IFFO2: variants seen among roughly 807,000 people sequenced by gnomAD.
The protein encoded by IFFO2 is intermediate filament family orphan 2.
IFFO2 carries 19 observed loss-of-function variants against 53.5 expected under a neutral mutation model. The observed-to-expected ratio is 0.36, with a 90% CI of 0.25 to 0.52. The LOEUF (loss-of-function observed/expected upper bound fraction) is 0.52. Ranked by LOEUF, IFFO2 falls within the 20% of genes least tolerant of loss-of-function variation. The probability of loss-of-function intolerance (pLI) is 0.94; values close to 1 mark genes in which losing one functional copy is unlikely to be tolerated. For missense variants in IFFO2, 570 were observed against 727.4 expected, an observed-to-expected ratio of 0.78 and a Z score of 2.49; for synonymous variants, 303 against 313.6, an observed-to-expected ratio of 0.97 and a Z score of 0.36.
At position 18,956,223 on chromosome 1, in the gene IFFO2, G is replaced by C; in HGVS notation, c.110C>G (p.Pro37Arg). 10 of 1,296,258 alleles carry C rather than the reference G, an allele frequency of 7.7e-6. No homozygotes were observed. Among genetic ancestry groups the C allele is most frequent in the Non-Finnish European group, 1.0e-5 (10 of 999,870 alleles). The allele number at this position is 1,296,258 out of a possible 1,614,324, so 80.3% of individuals were successfully genotyped here. ...GGGGGGGGAG[P>R]GPSPVTAALR... ...CGCCGCCGTCACCGGCGACGGACCC[G>C]GCCCTGCCCCGCCGCCGCCGCCGCC... Residue 37 changes from proline (P) to arginine (R), a missense_variant, in exon 1 of 9, where the codon CCG becomes CGG. Physicochemically the swap from Pro to Arg is moderately radical, Grantham distance 103. Coordinates refer to ENST00000455833, the MANE Select transcript of IFFO2 (RefSeq NM_001136265.2). This position sits in a 1 kb window ranked among gnomAD's most constrained non-coding sequence, Gnocchi z 6.4.
In IFFO2 at chr1:18,928,093, C is replaced by T. The variant is rs1412105643; in HGVS notation, c.666-6972G>A. On this transcript the variant is annotated intron_variant, in intron 1 of 8. Coordinates refer to ENST00000455833, the MANE Select transcript of IFFO2 (RefSeq NM_001136265.2). The surrounding 1 kb of genome is among the most constrained non-coding windows in gnomAD (Gnocchi z 4.9). Reference sequence around the variant, plus strand: ...GATGCCTTGCCTCCTGACTTTCTCTCCCACATGGCACGCTGCAAGCCCGTC... The same window carrying T: ...GATGCCTTGCCTCCTGACTTTCTCTTCCACATGGCACGCTGCAAGCCCGTC... Among the ~76,000 whole-genome samples the T allele has an allele frequency of 6.6e-6, 1 of 152,196 alleles. No homozygotes were observed. Among genetic ancestry groups the T allele is most frequent in the Non-Finnish European group, 1.5e-5 (1 of 68,030 alleles).
At chr1:18,914,634 C>T (rs999080262) in intron 5 of IFFO2, among the ~76,000 whole-genome samples, 5 of 151,634 alleles carry the variant, frequency 3.3e-5, no homozygotes, top group African/African-American at 4.8e-5. Flanking sequence ...CTGGGCAACA[C>T]GGTAAAACCC....
chr1:18,946,409 CT>C (rs71577809), intron 1 of IFFO2, among the ~76,000 whole-genome samples: 6,955 of 96,504 alleles, frequency 0.072, 89 homozygotes, highest in Middle Eastern at 0.11. Context: ...TTGCCACTTT[CT>C]TTTTTTTTTT....
At chr1:18,945,462 TC>T (rs1411933637) in intron 1 of IFFO2, among the ~76,000 whole-genome samples, 1 of 152,066 alleles carries the variant, frequency 6.6e-6, no homozygotes, top group Non-Finnish European at 1.5e-5. Flanking sequence ...GCTCTTCCCC[TC>T]CCCCAAGACA....
At position 18,917,840 on chromosome 1, in the gene IFFO2, CG is replaced by C. The variant is rs1936158222; in HGVS notation, c.963+521del. Among the ~76,000 whole-genome samples the C allele has an allele frequency of 1.3e-5, 2 of 152,046 alleles. No homozygotes were observed. The highest frequency in any genetic ancestry group is 2.1e-4 in the South Asian group (1 of 4,806). ...GGGCACCCACACTTGCACGTTAGGT[CG>C]GGGGGGTATCGAGAGCCTCTTTGGG... On this transcript the variant is annotated intron_variant, in intron 4 of 8. Coordinates refer to ENST00000455833, the MANE Select transcript of IFFO2 (RefSeq NM_001136265.2). This position sits in a 1 kb window ranked among gnomAD's most constrained non-coding sequence, Gnocchi z 5.9.
rs61750842 is a variant in IFFO2 at position 18,912,074 on chromosome 1, G to C, written c.1113C>G (p.Thr371=). 9.4e-4 allele frequency: 1,466 copies of C among 1,551,634 alleles called. 11 individuals carry two copies. The African/African-American group carries it at 0.017, about 18-fold the overall frequency. ...MKRMFNQLRE[T]FDFDDDCDSL... ...TGTCACAGTCGTCGTCAAAGTCAAA[G>C]GTCTCCCGCCTGTGGGGGTGACACC... is the stretch of plus-strand genomic sequence containing the variant. The change falls in exon 6 of 9, where the codon ACC becomes ACG. Residue 371 remains threonine, a synonymous_variant. Coordinates refer to ENST00000455833, the MANE Select transcript of IFFO2 (RefSeq NM_001136265.2).
intron 1 of IFFO2, among the ~76,000 whole-genome samples, chr1:18,945,156 G>T (rs1177918384): frequency 6.6e-6 from 1 of 152,052 alleles, no homozygotes; most frequent in African/African-American, 2.4e-5. Flanking sequence ...TCACCTCCAG[G>T]AAACCTTTCT....
chr1:18,913,498 A>G (rs901696678), intron 5 of IFFO2, among the ~76,000 whole-genome samples: 3 of 152,272 alleles, frequency 2.0e-5, no homozygotes, highest in African/African-American at 4.8e-5. Flanking sequence ...TCCACTTCAC[A>G]AATCTGCGGA....
chr1:18,943,443 T>C (rs1936545915), intron 1 of IFFO2, among the ~76,000 whole-genome samples: 2 of 152,150 alleles, frequency 1.3e-5, no homozygotes, highest in South Asian at 4.1e-4. Flanking sequence ...TCAGGCCACA[T>C]GCCCAGACAA....
rs919680427 is a variant in IFFO2, at chr1:18,908,685, T to G, written c.1449-19A>C. 2.0e-6 allele frequency: 3 copies of G among 1,535,410 alleles called. No individual in the cohort carries two copies. The highest frequency in any genetic ancestry group is 2.6e-6 in the Non-Finnish European group (3 of 1,133,112). ...TGAATTCCTGAGAAGCACAAGAGAG[T>G]GGGGAAATTCAGAGAGCAGCCCTGG... is the stretch of plus-strand genomic sequence containing the variant. On this transcript the variant is annotated intron_variant, in intron 8 of 8. Transcript: ENST00000455833.
In IFFO2 at chr1:18,921,106, G is replaced by A. The variant is rs973385497; in HGVS notation, c.681C>T (p.Leu227=). Residue 227 remains leucine, a synonymous_variant, in exon 2 of 9, where the codon CTC becomes CTT. Coordinates refer to ENST00000455833, the MANE Select transcript of IFFO2 (RefSeq NM_001136265.2). ...TGGTCTGAAGGTTCATGCGCTTGGC[G>A]AGCTCCTCCTCCCACCTGCAAAAGC... The part of the protein sequence containing the change: ...DEYKRRWEEE[L]AKRMNLQTMV... The A allele has an allele frequency of 1.9e-5, 30 of 1,551,922 alleles. No individual in the cohort carries two copies. The highest frequency in any genetic ancestry group is 1.8e-4 in the African/African-American group (13 of 73,162).
At chr1:18,909,002 A>T (rs1286914618) in intron 8 of IFFO2, among the ~76,000 whole-genome samples, 1 of 151,892 alleles carries the variant, frequency 6.6e-6, no homozygotes, top group African/African-American at 2.4e-5. Flanking sequence ...CTCAGAGCTC[A>T]AAAGGAGGCC....
At chr1:18,911,165 C>A (rs1473756492) in intron 7 of IFFO2, among the ~76,000 whole-genome samples, 1 of 152,254 alleles carries the variant, frequency 6.6e-6, no homozygotes, top group Non-Finnish European at 1.5e-5. Flanking sequence ...CTTTCTAATT[C>A]TCTGAGGCAG....
At chr1:18,910,970 G>T (rs541292091) in intron 7 of IFFO2, among the ~76,000 whole-genome samples, 12 of 152,240 alleles carry the variant, frequency 7.9e-5, no homozygotes, top group Non-Finnish European at 1.6e-4. Context: ...CTTCCTGGCC[G>T]CAAGGCCTTG....
chr1:18,936,955 CA>C lies in IFFO2; in HGVS notation c.666-15835del, dbSNP rs58010345. On this transcript the variant is annotated intron_variant, in intron 1 of 8. Coordinates refer to ENST00000455833, the MANE Select transcript of IFFO2 (RefSeq NM_001136265.2). The surrounding 1 kb of genome is among the most constrained non-coding windows in gnomAD (Gnocchi z 4.5). ...AAACACAAACTGGCTGCAGGTGGGG[CA>C]AAAAAAAAAAAAAAGCACAGAACAC... Among the ~76,000 whole-genome samples, 4,329 of 137,674 alleles carry C rather than the reference CA, an allele frequency of 0.031. 134 individuals carry two copies. Among genetic ancestry groups the C allele is most frequent in the East Asian group, 0.11 (529 of 4,714 alleles). 90.3% of individuals were successfully genotyped at this position (137,674 alleles called of 152,430 possible). A position where few individuals can be genotyped will look rare whatever the true frequency, so the allele number is the denominator to read the frequency against.
At chr1:18,942,773 AG>A (rs1472364442) in intron 1 of IFFO2, among the ~76,000 whole-genome samples, 1 of 152,078 alleles carries the variant, frequency 6.6e-6, no homozygotes, top group East Asian at 1.9e-4. Flanking sequence ...TGCCAGCAGT[AG>A]CTTGCTGAGT....
At chr1:18,950,911 T>C (rs1936651850) in intron 1 of IFFO2, among the ~76,000 whole-genome samples, 1 of 152,172 alleles carries the variant, frequency 6.6e-6, no homozygotes, top group Non-Finnish European at 1.5e-5. Context: ...AAGTGGCTTT[T>C]TAAAAAAATG....
At chr1:18,948,279 AC>A (rs1209582364) in intron 1 of IFFO2, among the ~76,000 whole-genome samples, 3 of 152,252 alleles carry the variant, frequency 2.0e-5, no homozygotes, top group African/African-American at 7.2e-5. Flanking sequence ...CCCCCATTGT[AC>A]AGAGCGACAA....
Position 18,917,004 on chromosome 1 carries a change from A to T in IFFO2, c.1002T>A (p.Asp334Glu). Residue 334 changes from aspartate (D) to glutamate (E), a missense_variant, in exon 5 of 9, where the codon GAT becomes GAA. Transcript: ENST00000455833. The surrounding 1 kb of genome is among the most constrained non-coding windows in gnomAD (Gnocchi z 5.9). ...CCCCGTCCTGCTCAGAGATGTCATC[A>T]TCGGAAGCCACCTTACGCTCTTTCT... ...PKKKERKVASDDDISEQDGEV... is the reference protein window; with the variant it reads ...PKKKERKVASEDDISEQDGEV... The T allele has an allele frequency of 6.4e-7, 1 of 1,552,270 alleles. No individual in the cohort carries two copies. Among genetic ancestry groups the T allele is most frequent in the Non-Finnish European group, 8.7e-7 (1 of 1,147,116 alleles).
Sources: allele counts gnomAD v4.1 joint callset (sites outside exome capture counted in the v4.1 genomes callset), GRCh38; gene constraint gnomAD v4.1.1; non-coding constraint Gnocchi (gnomAD v3.1); transcripts MANE v1.5; gene names NCBI Gene and HGNC (gene_info 2026-07-23, HGNC 2026-07-21).